Variants in PCM1 observed in about 807,000 individuals in gnomAD.
PCM1 encodes pericentriolar material 1, also known as pericentriolar material 1 protein.
Under a neutral mutation model 241.9 loss-of-function variants are expected in PCM1, and 157 were observed. That is an observed-to-expected ratio of 0.65 (90% CI 0.57 to 0.74). The LOEUF is 0.74. PCM1 is among the 30% of genes least tolerant of loss of function. PCM1 has a pLI of 0.00. For missense variants in PCM1, 3,478 were observed against 2,360.1 expected, an observed-to-expected ratio of 1.47 and a Z score of -9.81; for synonymous variants, 1,085 against 784.9, an observed-to-expected ratio of 1.38 and a Z score of -6.39.
intron 28 of PCM1, among the ~76,000 whole-genome samples, chr8:17,992,147 G>C (rs775584350): frequency 2.6e-5 from 4 of 152,178 alleles, no homozygotes; most frequent in Non-Finnish European, 4.4e-5. Context: ...CTCGTTGATT[G>C]ATGGACATTT....
chr8:18,010,870 G>T (rs1345470869), intron 32 of PCM1, among the ~76,000 whole-genome samples: 2 of 152,162 alleles, frequency 1.3e-5, no homozygotes, highest in Admixed American at 6.5e-5. Context: ...CTATTCAGGA[G>T]GCTGAGACAG....
intron 17 of PCM1, among the ~76,000 whole-genome samples, chr8:17,964,274 G>C (rs1337500434): frequency 6.6e-6 from 1 of 152,148 alleles, no homozygotes; most frequent in Non-Finnish European, 1.5e-5. Flanking sequence ...CACTGATCTT[G>C]AAAACTCCCT....
intron 36 of PCM1, among the ~76,000 whole-genome samples, chr8:18,023,092 G>A (rs948342839): frequency 2.0e-5 from 3 of 152,100 alleles, no homozygotes; most frequent in Non-Finnish European, 4.4e-5. Flanking sequence ...TTCCCAATTG[G>A]TGGGTAATAG....
intron 4 of PCM1, among the ~76,000 whole-genome samples, 184 bp downstream of exon 4, chr8:17,937,563 C>T (rs561377930): frequency 1.8e-4 from 27 of 152,134 alleles, no homozygotes; most frequent in African/African-American, 6.5e-4. Flanking sequence ...AAATGAAGTC[C>T]CATTTCTAAA....
intron 2 of PCM1, 135 bp from the exon 3 acceptor site, chr8:17,935,453 AT>A: frequency 5.2e-6 from 3 of 577,920 alleles, no homozygotes; most frequent in Non-Finnish European, 9.3e-6. Flanking sequence ...TTTGTCTGTG[AT>A]GTGGTTGACA....
intron 23 of PCM1, among the ~76,000 whole-genome samples, chr8:17,978,942 A>G (rs1455712786): frequency 6.6e-6 from 1 of 152,178 alleles, no homozygotes; most frequent in Non-Finnish European, 1.5e-5. Context: ...ACAAATAATC[A>G]TAGAAGCTAT....
At chr8:17,951,084 G>C (rs1325748753) in intron 8 of PCM1, among the ~76,000 whole-genome samples, 1 of 152,152 alleles carries the variant, frequency 6.6e-6, no homozygotes. Flanking sequence ...CTTTAAATCT[G>C]TGTCCTTCGA....
In PCM1 at chr8:17,965,982, T is replaced by C; in HGVS notation, c.2856-17T>C. On this transcript the variant is annotated splice_polypyrimidine_tract_variant and intron_variant, in intron 18 of 38. Coordinates refer to ENST00000325083, the MANE Select transcript of PCM1 (RefSeq NM_006197.4). ...ATTATTATGTATGATGACTTAATGC[T>C]TTCAATCTTGTGTTAGGTGGAAGAA... 6.3e-7 allele frequency: 1 copy of C among 1,588,012 alleles called. No individual in the cohort carries two copies. Among genetic ancestry groups the C allele is most frequent in the Non-Finnish European group, 8.6e-7 (1 of 1,163,104 alleles).
chr8:18,005,314 T>C (rs2090942442), intron 29 of PCM1, among the ~76,000 whole-genome samples: 2 of 151,918 alleles, frequency 1.3e-5, no homozygotes, highest in Admixed American at 6.6e-5. Flanking sequence ...TCCTGCATAG[T>C]ATTTGACTCT....
At chr8:17,950,556 G>A in intron 7 of PCM1, 59 bp from the exon 8 acceptor site, 1 of 839,582 alleles carries the variant, frequency 1.2e-6, no homozygotes, top group Non-Finnish European at 1.9e-6. Context: ...TAGCTTCTCA[G>A]AGATTAAAAA....
At chr8:18,020,998 T>C (rs1018015863) in intron 36 of PCM1, among the ~76,000 whole-genome samples, 8 of 152,188 alleles carry the variant, frequency 5.3e-5, no homozygotes, top group Non-Finnish European at 1.0e-4. Context: ...AGGAAATGCA[T>C]GTGTGGACTT....
intron 2 of PCM1, among the ~76,000 whole-genome samples, chr8:17,933,555 T>C (rs1283550306): frequency 3.3e-5 from 5 of 152,230 alleles, no homozygotes; most frequent in African/African-American, 4.8e-5. Context: ...TCATGGAAGA[T>C]AGTTTTTCTA....
chr8:17,939,874 C>CTT lies in PCM1; in HGVS notation c.783+16_783+17dup, dbSNP rs777665672. Reference sequence around the variant, plus strand: ...TAAAAAAATCCTTGTAAGTATTCGACTTTTAAAATAACATATTATTTTTGT... The same window carrying CTT: ...TAAAAAAATCCTTGTAAGTATTCGACTTTTTTAAAATAACATATTATTTTTGT... On this transcript the variant is annotated intron_variant, in intron 6 of 38. Coordinates refer to ENST00000325083, the MANE Select transcript of PCM1 (RefSeq NM_006197.4). The CTT allele has an allele frequency of 2.2e-5, 31 of 1,389,380 alleles. No individual in the cohort carries two copies. The highest frequency in any genetic ancestry group is 2.7e-5 in the Non-Finnish European group (27 of 1,013,538). 86.1% of individuals were successfully genotyped at this position (1,389,380 alleles called of 1,614,324 possible). A position where few individuals can be genotyped will look rare whatever the true frequency, so the allele number is the denominator to read the frequency against.
chr8:17,997,636 T>G (rs939365330), intron 29 of PCM1, among the ~76,000 whole-genome samples: 4 of 152,186 alleles, frequency 2.6e-5, no homozygotes, highest in Admixed American at 2.6e-4. Flanking sequence ...TGATGCATTC[T>G]TTAGTATGTC....
chr8:17,926,438 A>T (rs548702079), intron 2 of PCM1: 2 of 152,370 alleles, frequency 1.3e-5, no homozygotes, highest in South Asian at 2.1e-4. Context: ...CTACAGATAA[A>T]ACAGTGTGCA....
chr8:17,984,046 C>T (rs1205843179), intron 24 of PCM1, among the ~76,000 whole-genome samples: 2 of 152,076 alleles, frequency 1.3e-5, no homozygotes, highest in African/African-American at 2.4e-5. Context: ...AATTTCAGTT[C>T]AGGAGGAGAA....
At chr8:18,026,458 C>T (rs1451439004) in intron 38 of PCM1, among the ~76,000 whole-genome samples, 2 of 151,310 alleles carry the variant, frequency 1.3e-5, no homozygotes, top group African/African-American at 2.4e-5. Context: ...GACGGGGTTT[C>T]ACCAAGTTAC....
intron 10 of PCM1, 138 bp downstream of exon 10, chr8:17,955,791 G>T: frequency 2.8e-6 from 2 of 702,982 alleles, no homozygotes; most frequent in Non-Finnish European, 4.9e-6. Context: ...GGTAGAAGAG[G>T]CGTGTGTGTG....
intron 8 of PCM1, among the ~76,000 whole-genome samples, chr8:17,952,047 A>T (rs776669189): frequency 2.6e-5 from 4 of 152,090 alleles, no homozygotes; most frequent in Non-Finnish European, 5.9e-5. Flanking sequence ...ACATGGTGAA[A>T]CCCTGTCTCA....
Sources: gnomAD v4.1 joint callset for allele counts (sites outside exome capture counted in the v4.1 genomes callset) on GRCh38, gnomAD v4.1.1 for gene constraint, MANE v1.5 for transcripts, NCBI Gene and HGNC (gene_info 2026-07-23, HGNC 2026-07-21) for gene names.